MGAT4C: variants seen among roughly 807,000 people sequenced by gnomAD.
MGAT4C encodes MGAT4 family member C.
Under a neutral mutation model 40.1 loss-of-function variants are expected in MGAT4C, and 19 were observed. That is an observed-to-expected ratio of 0.47 (90% CI 0.33 to 0.70). The LOEUF (loss-of-function observed/expected upper bound fraction) is 0.70, where lower values mean the gene tolerates loss of function less well. MGAT4C is among the 30% of genes least tolerant of loss of function. The pLI, the probability that MGAT4C is intolerant of heterozygous loss-of-function variation, is 0.02. For synonymous variants in MGAT4C, 181 were observed against 187.1 expected (o/e 0.97, Z 0.27); for missense variants, 491 against 563.2 (o/e 0.87, Z 1.30).
At chr12:86,686,987 T>G (rs554278946) in intron 2 of MGAT4C, among the ~76,000 whole-genome samples, 3 of 152,320 alleles carry the variant, frequency 2.0e-5, no homozygotes, top group Admixed American at 6.5e-5. Context: ...GTTGTTGTTG[T>G]TGGTAGGCTA....
rs112665629 is a variant in MGAT4C, at chr12:86,479,793, A to T, written c.-228-44528T>A. On this transcript the variant is annotated intron_variant, in intron 2 of 7. Transcript: ENST00000548651. ...TCTAGCTGCAATTGTTGGTAGGATTAAGCCTCATCAAAAATAAAATTGGGA... is the reference window on the plus strand; with the variant it reads ...TCTAGCTGCAATTGTTGGTAGGATTTAGCCTCATCAAAAATAAAATTGGGA... Among the ~76,000 whole-genome samples, 492 of 151,998 alleles carry T rather than the reference A, an allele frequency of 3.2e-3. 1 individual carries two copies. Among genetic ancestry groups the T allele is most frequent in the African/African-American group, 0.011 (475 of 41,542 alleles).
At chr12:86,711,892 G>A (rs1344231816) in intron 2 of MGAT4C, among the ~76,000 whole-genome samples, 1 of 152,096 alleles carries the variant, frequency 6.6e-6, no homozygotes, top group East Asian at 1.9e-4. Flanking sequence ...CATAAACCAT[G>A]ATGACCTTTT....
chr12:86,758,260 A>C (rs1951340353), intron 1 of MGAT4C, among the ~76,000 whole-genome samples: 1 of 152,070 alleles, frequency 6.6e-6, no homozygotes, highest in African/African-American at 2.4e-5. Context: ...TTACTAGACC[A>C]AGTTGGCAGG....
chr12:86,567,319 C>T (rs1228472678), intron 2 of MGAT4C, among the ~76,000 whole-genome samples: 2 of 152,066 alleles, frequency 1.3e-5, no homozygotes, highest in Admixed American at 6.6e-5. Flanking sequence ...AATGCTGACA[C>T]CAGGAGACAC....
chr12:86,144,684 C>T (rs1039195203), intron 1 of MGAT4C, among the ~76,000 whole-genome samples: 12 of 151,978 alleles, frequency 7.9e-5, no homozygotes, highest in South Asian at 4.1e-4. Context: ...CTTTATTGTA[C>T]GTTATAGGCT....
At chr12:86,710,380 C>T (rs1950535269) in intron 2 of MGAT4C, among the ~76,000 whole-genome samples, 1 of 152,212 alleles carries the variant, frequency 6.6e-6, no homozygotes, top group South Asian at 2.1e-4. Flanking sequence ...AGTTGTCTTA[C>T]ATCAGCTTCC....
upstream of MGAT4C, among the ~76,000 whole-genome samples, chr12:86,256,882 A>C (rs1451021022): frequency 6.6e-6 from 1 of 152,120 alleles, no homozygotes. Flanking sequence ...TTTTTAATCA[A>C]TTTTTTCAGA....
rs923019318 is a variant in MGAT4C, at chr12:85,965,340, G to T, written c.*13949C>A. The T allele has an allele frequency of 6.6e-6, 1 of 152,018 alleles. No individual in the cohort carries two copies. Among genetic ancestry groups the T allele is most frequent in the Non-Finnish European group, 1.5e-5 (1 of 68,016 alleles). 9.4% of individuals were successfully genotyped at this position (152,018 alleles called of 1,614,324 possible). A position where few individuals can be genotyped will look rare whatever the true frequency, so the allele number is the denominator to read the frequency against. ...GGGCCCGGCGCGGTGGCTCACGCAT[G>T]TAATCCCAGCACTTTGTGAGGCCGA... On this transcript the variant is annotated 3_prime_UTR_variant, in exon 5 of 5. Transcript: ENST00000611864.
At chr12:86,448,120 C>A (rs146796474) in intron 2 of MGAT4C, among the ~76,000 whole-genome samples, 98 of 152,256 alleles carry the variant, frequency 6.4e-4, no homozygotes, top group South Asian at 8.3e-4. Context: ...CAAGTGCCTC[C>A]CATTTCCCTC....
intron 3 of MGAT4C, among the ~76,000 whole-genome samples, chr12:86,367,906 A>C (rs1311713114): frequency 6.6e-6 from 1 of 152,174 alleles, no homozygotes; most frequent in Non-Finnish European, 1.5e-5. Context: ...ACATGGCCAG[A>C]AGCGCCTCTC....
intron 2 of MGAT4C, among the ~76,000 whole-genome samples, chr12:86,659,197 T>C (rs1208435513): frequency 2.6e-5 from 4 of 152,078 alleles, no homozygotes; most frequent in Non-Finnish European, 5.9e-5. Context: ...TGTATATTTA[T>C]ATATTTATTA....
intron 1 of MGAT4C, among the ~76,000 whole-genome samples, chr12:86,092,903 C>T (rs901555916): frequency 2.0e-5 from 3 of 151,964 alleles, no homozygotes; most frequent in African/African-American, 7.2e-5. Flanking sequence ...ATGTGCAGAA[C>T]GTGCAGGTTT....
intron 2 of MGAT4C, among the ~76,000 whole-genome samples, chr12:86,000,756 C>T (rs1202696870): frequency 6.6e-6 from 1 of 152,014 alleles, no homozygotes; most frequent in Non-Finnish European, 1.5e-5. Flanking sequence ...TGAAAAACAA[C>T]TTTATTAGAA....
intron 1 of MGAT4C, among the ~76,000 whole-genome samples, chr12:86,252,796 C>G (rs1952355778): frequency 6.6e-6 from 1 of 151,874 alleles, no homozygotes; most frequent in Non-Finnish European, 1.5e-5. Context: ...ATACTATTAC[C>G]AGCAAATAAT....
chr12:86,037,792 G>C (rs530898755), intron 2 of MGAT4C, among the ~76,000 whole-genome samples: 7 of 149,814 alleles, frequency 4.7e-5, no homozygotes, highest in African/African-American at 1.7e-4. Context: ...GAGTTCTGTC[G>C]ATGTATATTA....
At chr12:86,724,205 A>T (rs1236234502) in intron 2 of MGAT4C, among the ~76,000 whole-genome samples, 1 of 152,188 alleles carries the variant, frequency 6.6e-6, no homozygotes, top group Non-Finnish European at 1.5e-5. Context: ...AAAATAGTTT[A>T]TGGCAAATGA....
intron 4 of MGAT4C, among the ~76,000 whole-genome samples, chr12:86,282,308 A>G (rs1953237814): frequency 1.3e-5 from 2 of 152,048 alleles, no homozygotes; most frequent in Non-Finnish European, 2.9e-5. Context: ...ACATTTTTCT[A>G]TCTTCAATCT....
intron 2 of MGAT4C, among the ~76,000 whole-genome samples, chr12:86,705,369 T>C (rs1346405991): frequency 6.6e-6 from 1 of 151,998 alleles, no homozygotes; most frequent in African/African-American, 2.4e-5. Context: ...AAGCACATAA[T>C]TGAGTGCTAA....
chr12:86,748,138 C>G (rs1171470569), intron 1 of MGAT4C, among the ~76,000 whole-genome samples: 2 of 151,396 alleles, frequency 1.3e-5, no homozygotes, highest in Non-Finnish European at 3.0e-5. Context: ...ATGTGTAGCT[C>G]AAAGAAAAGG....
Sources: gnomAD v4.1 joint callset for allele counts (sites outside exome capture counted in the v4.1 genomes callset) on GRCh38, gnomAD v4.1.1 for gene constraint, MANE v1.5 for transcripts, NCBI Gene and HGNC (gene_info 2026-07-23, HGNC 2026-07-21) for gene names.